The following POLA1 variants were observed in gnomAD, a reference collection of about 807,000 sequenced individuals.
POLA1 encodes DNA polymerase alpha 1, catalytic subunit.
Under a neutral mutation model 124.0 loss-of-function variants are expected in POLA1, and 15 were observed. That is an observed-to-expected ratio of 0.12 (90% CI 0.08 to 0.19). POLA1 has a LOEUF of 0.19. POLA1 is among the 10% of genes least tolerant of loss of function. The probability of loss-of-function intolerance (pLI) is 1.00; values close to 1 mark genes in which losing one functional copy is unlikely to be tolerated. For synonymous variants in POLA1, 408 were observed against 389.4 expected, an observed-to-expected ratio of 1.05 and a Z score of -0.56; for missense variants, 886 against 1,103.4, an observed-to-expected ratio of 0.80 and a Z score of 2.79.
intron 36 of POLA1, among the ~76,000 whole-genome samples, chrX:24,987,106 C>T (rs2048488353): frequency 8.9e-6 from 1 of 112,230 alleles, no homozygotes; most frequent in South Asian, 3.8e-4. Context: ...CACTCTCTCA[C>T]TCACTCACTC....
intron 3 of POLA1, among the ~76,000 whole-genome samples, chrX:24,703,971 T>C (rs1185676678): frequency 8.9e-6 from 1 of 112,148 alleles, no homozygotes; most frequent in East Asian, 2.8e-4. Context: ...AGATTGTGCC[T>C]GTGACTATTT....
intron 15 of POLA1, among the ~76,000 whole-genome samples, chrX:24,728,456 C>T (rs1224185409): frequency 1.8e-5 from 2 of 111,914 alleles, no homozygotes; most frequent in Non-Finnish European, 3.8e-5. Flanking sequence ...GACTCTGTCT[C>T]TCAAGATGCC....
At chrX:24,768,001 A>T (rs1368425110) in intron 26 of POLA1, among the ~76,000 whole-genome samples, 1 of 112,666 alleles carries the variant, frequency 8.9e-6, no homozygotes, top group Non-Finnish European at 1.9e-5. Flanking sequence ...CATAATTCAA[A>T]TCTAGGCAGT....
chrX:24,792,166 A>G (rs1358324436), intron 26 of POLA1, among the ~76,000 whole-genome samples: 1 of 111,558 alleles, frequency 9.0e-6, no homozygotes, highest in Non-Finnish European at 1.9e-5. Flanking sequence ...GACTGTGGTC[A>G]TTATTCATTA....
chrX:24,934,400 A>G (rs1335406984), intron 36 of POLA1, among the ~76,000 whole-genome samples: 1 of 112,130 alleles, frequency 8.9e-6, no homozygotes, highest in African/African-American at 3.2e-5. Context: ...CAGATTCAGC[A>G]ACAACTAAGT....
intron 19 of POLA1, among the ~76,000 whole-genome samples, chrX:24,738,211 C>T (rs1319088685): frequency 1.4e-5 from 1 of 70,954 alleles, no homozygotes; most frequent in Non-Finnish European, 2.3e-5. Flanking sequence ...CAGAGCGAGA[C>T]TCCGTCTCAA....
chrX:24,849,831 C>T lies in POLA1; in HGVS notation c.4047+6154C>T, dbSNP rs769661967. 7.2e-5 allele frequency among the ~76,000 whole-genome samples: 8 copies of T among 110,903 alleles called. No individual in the cohort carries two copies. The East Asian group carries it at 1.1e-3, about 16-fold the overall frequency. ...ATTTTTAGTAGAGACGGGGTTTCAC[C>T]GTGTTAGCCAGGATGGTCTCAATCT... On this transcript the variant is annotated intron_variant, in intron 34 of 36. Coordinates refer to ENST00000379068, the MANE Select transcript of POLA1 (RefSeq NM_001330360.2).
At chrX:24,993,213 A>G (rs1279608487) in intron 36 of POLA1, among the ~76,000 whole-genome samples, 1 of 112,511 alleles carries the variant, frequency 8.9e-6, no homozygotes, top group Non-Finnish European at 1.9e-5. Context: ...CCATTAGAGT[A>G]TATTTCAGTG....
chrX:24,895,776 C>A (rs1365677042), intron 35 of POLA1, among the ~76,000 whole-genome samples: 1 of 112,444 alleles, frequency 8.9e-6, no homozygotes, highest in Non-Finnish European at 1.9e-5. Context: ...CTTTTGTCTT[C>A]TCCAAAGTAT....
At chrX:24,975,245 C>CAG (rs1279730234) in intron 36 of POLA1, among the ~76,000 whole-genome samples, 1 of 112,446 alleles carries the variant, frequency 8.9e-6, no homozygotes, top group Non-Finnish European at 1.9e-5. Flanking sequence ...CTCCTGACCT[C>CAG]GTGATCCATC....
intron 30 of POLA1, among the ~76,000 whole-genome samples, chrX:24,820,637 A>C (rs1004715299): frequency 1.0e-4 from 11 of 110,228 alleles, no homozygotes; most frequent in Non-Finnish European, 1.9e-4. Context: ...GGTGGAAATC[A>C]TTCTTACCTT....
intron 1 of POLA1, among the ~76,000 whole-genome samples, chrX:24,697,240 G>GT (rs1236179385): frequency 9.0e-6 from 1 of 111,554 alleles, no homozygotes; most frequent in African/African-American, 3.3e-5. Context: ...TGCCTGTGTA[G>GT]TGGAACATTG....
Position 24,925,579 on chromosome X carries a change from C to T in POLA1, c.4165-4874C>T, listed in dbSNP as rs181383651. Among the ~76,000 whole-genome samples the T allele has an allele frequency of 4.9e-3, 549 of 112,016 alleles. 2 individuals carry two copies. Among genetic ancestry groups the T allele is most frequent in the Middle Eastern group, 0.023 (5 of 216 alleles). On this transcript the variant is annotated intron_variant, in intron 35 of 36. Transcript: ENST00000379068. ...AGTTCAAAAGAAAGTCAGATGAAAT[C>T]GATACCTCAGAAAACAGTTTGGCAG...
chrX:24,716,376 TCCA>T lies in POLA1; in HGVS notation c.546_548del (p.Pro183del). The T allele has an allele frequency of 1.7e-6, 2 of 1,167,927 alleles. No homozygotes were observed. The highest frequency in any genetic ancestry group is 2.3e-6 in the Non-Finnish European group (2 of 856,121). On this transcript the variant is annotated inframe_deletion, in exon 7 of 37. Transcript: ENST00000379068. ...TTTCCTTTTAGACACCTCAAATAAC[TCCA>T]CCACCTGTAATGATACTGAAGAAGA...
intron 36 of POLA1, among the ~76,000 whole-genome samples, chrX:24,937,933 C>A (rs777945951): frequency 2.7e-5 from 3 of 112,361 alleles, no homozygotes; most frequent in Admixed American, 1.9e-4. Context: ...ATATCACAAC[C>A]TGGCCTTTTG....
At chrX:24,749,593 A>G (rs1304720983) in intron 26 of POLA1, among the ~76,000 whole-genome samples, 3 of 111,130 alleles carry the variant, frequency 2.7e-5, no homozygotes, top group Non-Finnish European at 5.7e-5. Context: ...AATCAGGAGG[A>G]TAACTAGTAG....
intron 35 of POLA1, among the ~76,000 whole-genome samples, chrX:24,917,714 G>A (rs192857669): frequency 1.3e-4 from 14 of 111,814 alleles, no homozygotes; most frequent in Admixed American, 3.8e-4. Context: ...GAGCCTAGCA[G>A]CCATGTTTAG....
At chrX:24,929,215 C>G (rs1259397060) in intron 35 of POLA1, among the ~76,000 whole-genome samples, 1 of 111,887 alleles carries the variant, frequency 8.9e-6, no homozygotes, top group Non-Finnish European at 1.9e-5. Context: ...CAAAGAGATT[C>G]CCTTTGAAAA....
chrX:24,870,617 A>T (rs1020942637), intron 34 of POLA1, among the ~76,000 whole-genome samples: 1 of 111,834 alleles, frequency 8.9e-6, no homozygotes, highest in Non-Finnish European at 1.9e-5. Context: ...AGCCATGTCA[A>T]ATTCTTTAGT....
Sources: allele counts gnomAD v4.1 joint callset (sites outside exome capture counted in the v4.1 genomes callset), GRCh38; gene constraint gnomAD v4.1.1; transcripts MANE v1.5; gene names NCBI Gene and HGNC (gene_info 2026-07-23, HGNC 2026-07-21).